The following CAPN7 variants were observed in gnomAD, a reference collection of about 807,000 sequenced individuals.
CAPN7 encodes the protein calpain-7.
In CAPN7, 72 loss-of-function variants were observed where a neutral mutation model predicts 115.2. The observed-to-expected ratio is 0.63, with a 90% confidence interval of 0.52 to 0.76. The LOEUF (loss-of-function observed/expected upper bound fraction) is 0.76, where lower values mean the gene tolerates loss of function less well. Ranked by LOEUF, CAPN7 falls within the 30% of genes least tolerant of loss-of-function variation. The pLI is 0.00. For missense variants in CAPN7, 905 were observed against 971.5 expected (o/e 0.93, Z 0.91); for synonymous variants, 344 against 322.3 (o/e 1.07, Z -0.72).
intron 2 of CAPN7, among the ~76,000 whole-genome samples, chr3:15,215,876 A>G (rs1216590869): frequency 6.6e-6 from 1 of 152,186 alleles, no homozygotes; most frequent in Non-Finnish European, 1.5e-5. Context: ...ACTTGAGGCC[A>G]GCAGTTTGAG....
intron 7 of CAPN7, among the ~76,000 whole-genome samples, chr3:15,228,456 A>T (rs2124945500): frequency 6.6e-6 from 1 of 152,344 alleles, no homozygotes; most frequent in South Asian, 2.1e-4. Flanking sequence ...AAAGACATGG[A>T]ATCAACCTAA....
intron 1 of CAPN7, among the ~76,000 whole-genome samples, chr3:15,209,158 G>A (rs1298003727): frequency 6.6e-6 from 1 of 151,946 alleles, no homozygotes; most frequent in Non-Finnish European, 1.5e-5. Context: ...TTACAGGCAT[G>A]CACCACCACC....
In CAPN7 at chr3:15,241,520, C is replaced by G; in HGVS notation, c.1720C>G (p.Leu574Val). The G allele has an allele frequency of 6.2e-7, 1 of 1,614,118 alleles. No homozygotes were observed. ...YSLANNPQYKLEVQCPQGGAA... is the reference protein window; with the variant it reads ...YSLANNPQYKVEVQCPQGGAA... ...CCTGGCCAACAACCCCCAGTACAAA[C>G]TGGAGGTGCAGTGTCCACAGGGGGG... The change falls in exon 15 of 21, where the codon CTG becomes GTG. Residue 574 changes from leucine to valine, a missense_variant. Physicochemically the swap from Leu to Val is conservative, Grantham distance 32. Transcript: ENST00000253693.
At position 15,230,540 on chromosome 3, in the gene CAPN7, A is replaced by G. The variant is rs1378468970; in HGVS notation, c.1032+5A>G. Reference sequence around the variant, plus strand: ...CTCAATGGTGTCCCAAGAAAGGTGAATAATGTCTCTCCCCACTCCCATCCC... The same window carrying G: ...CTCAATGGTGTCCCAAGAAAGGTGAGTAATGTCTCTCCCCACTCCCATCCC... On this transcript the variant is annotated splice_donor_5th_base_variant and intron_variant, in intron 9 of 20. Coordinates refer to ENST00000253693, the MANE Select transcript of CAPN7 (RefSeq NM_014296.3). The G allele has an allele frequency of 3.2e-6, 5 of 1,550,986 alleles. No homozygotes were observed. The Admixed American group carries it at 6.7e-5, about 21-fold the overall frequency.
Position 15,252,094 on chromosome 3 carries a change from T to A in CAPN7, c.*834T>A, listed in dbSNP as rs1696030241. On this transcript the variant is annotated 3_prime_UTR_variant, in exon 21 of 21. Coordinates refer to ENST00000253693, the MANE Select transcript of CAPN7 (RefSeq NM_014296.3). ...AGAATTTAATATATGGTGATTGGGA[T>A]ATGTAGCATTCAAAAAAAGTGAATT... 1 of 152,638 alleles carries A rather than the reference T, an allele frequency of 6.6e-6. No homozygotes were observed. Among genetic ancestry groups the A allele is most frequent in the African/African-American group, 2.4e-5 (1 of 41,454 alleles). The allele number at this position is 152,638 out of a possible 1,614,324, so 9.5% of individuals were successfully genotyped here.
rs1316856875 is a variant in CAPN7 at position 15,206,275 on chromosome 3, G to C, written c.-221G>C. 7.1e-6 allele frequency: 3 copies of C among 424,112 alleles called. No homozygotes were observed. The highest frequency in any genetic ancestry group is 9.5e-5 in the Admixed American group (2 of 21,058). 26.3% of individuals were successfully genotyped at this position (424,112 alleles called of 1,614,324 possible). A position where few individuals can be genotyped will look rare whatever the true frequency, so the allele number is the denominator to read the frequency against. On this transcript the variant is annotated 5_prime_UTR_variant, in exon 1 of 21. Coordinates refer to ENST00000253693, the MANE Select transcript of CAPN7 (RefSeq NM_014296.3). ...GCCGCTGGGGCCGCGAAGTGGGGCG[G>C]CCGGGTGGGCTACAAGCCGGGTCTG...
At chr3:15,217,823 G>C (rs898128232) in intron 3 of CAPN7, among the ~76,000 whole-genome samples, 4 of 152,110 alleles carry the variant, frequency 2.6e-5, no homozygotes, top group African/African-American at 7.2e-5. Flanking sequence ...TAACATTTCT[G>C]TTCTTACAAC....
rs994646384 is a variant in CAPN7, at chr3:15,245,671, G to A, written c.2010G>A (p.Arg670=). Reference sequence around the variant, plus strand: ...AGAACACAATCCATTACACGGTTCGGGTAAGTAAAACCAACACACAATGAC... The same window carrying A: ...AGAACACAATCCATTACACGGTTCGAGTAAGTAAAACCAACACACAATGAC... ...EKQNTIHYTV[R]VYSACSFTFS... is the part of the protein sequence containing the mutation. Residue 670 remains arginine, a splice_region_variant and synonymous_variant, in exon 17 of 21, where the codon CGG becomes CGA. Coordinates refer to ENST00000253693, the MANE Select transcript of CAPN7 (RefSeq NM_014296.3). 3 of 1,611,676 alleles carry A rather than the reference G, an allele frequency of 1.9e-6. No individual in the cohort carries two copies. The highest frequency in any genetic ancestry group is 2.5e-6 in the Non-Finnish European group (3 of 1,179,130).
At chr3:15,248,026 G>A (rs1353658959) in intron 19 of CAPN7, among the ~76,000 whole-genome samples, 1 of 149,656 alleles carries the variant, frequency 6.7e-6, no homozygotes, top group Non-Finnish European at 1.5e-5. Context: ...GGACTGTTGT[G>A]GGGTGAGGGG....
At chr3:15,213,122 CA>C (rs2045048070) in intron 2 of CAPN7, among the ~76,000 whole-genome samples, 1 of 152,140 alleles carries the variant, frequency 6.6e-6, no homozygotes, top group Admixed American at 6.5e-5. Context: ...TTCATGTATT[CA>C]AAATATCATA....
intron 3 of CAPN7, among the ~76,000 whole-genome samples, chr3:15,218,032 T>C (rs1245930072): frequency 6.6e-6 from 1 of 152,208 alleles, no homozygotes; most frequent in African/African-American, 2.4e-5. Context: ...AAGGGACATC[T>C]AGTGCATAAG....
At position 15,206,368 on chromosome 3, in the gene CAPN7, C is replaced by T. The variant is rs934289937; in HGVS notation, c.-128C>T. ...GGGAAGGCGAGCTCTCCTCCACCGT[C>T]CAAAGTAAACTTTGCCGCTCCTTCC... On this transcript the variant is annotated 5_prime_UTR_variant, in exon 1 of 21. Transcript: ENST00000253693. The T allele has an allele frequency of 6.1e-5, 41 of 668,550 alleles. No homozygotes were observed. The South Asian group carries it at 7.0e-4, about 11-fold the overall frequency. The allele number at this position is 668,550 out of a possible 1,614,324, so 41.4% of individuals were successfully genotyped here. A position where few individuals can be genotyped will look rare whatever the true frequency, so the allele number is the denominator to read the frequency against.
At chr3:15,217,680 C>T (rs1693718146) in intron 3 of CAPN7, 98 bp downstream of exon 3, 1 of 964,454 alleles carries the variant, frequency 1.0e-6, no homozygotes, top group African/African-American at 1.7e-5. Context: ...AGAATTTTAA[C>T]AGAATAAAAA....
intron 10 of CAPN7, 110 bp from the exon 11 acceptor site, chr3:15,233,757 T>C (rs1242989414): frequency 7.4e-6 from 5 of 675,756 alleles, no homozygotes; most frequent in South Asian, 1.7e-5. Context: ...TACCTTCTGA[T>C]TTATTTCTAC....
chr3:15,232,069 G>A (rs1398438408), intron 9 of CAPN7: 1 of 335,848 alleles, frequency 3.0e-6, no homozygotes, highest in Non-Finnish European at 5.7e-6. Flanking sequence ...GACCAGAAGT[G>A]TTTTGGATTT....
At chr3:15,241,395 A>G (rs921150898) in intron 14 of CAPN7, 58 bp from the exon 15 acceptor site, 43 of 1,540,248 alleles carry the variant, frequency 2.8e-5, no homozygotes, top group South Asian at 5.7e-5. Flanking sequence ...AAATAGTGTT[A>G]TATTTTAGCT....
chr3:15,243,330 C>T (rs1037532241), intron 16 of CAPN7, among the ~76,000 whole-genome samples: 1 of 152,158 alleles, frequency 6.6e-6, no homozygotes, highest in Non-Finnish European at 1.5e-5. Context: ...TTTGGCTTGT[C>T]ATAATCAGGA....
intron 8 of CAPN7, among the ~76,000 whole-genome samples, chr3:15,230,038 G>T (rs1181553963): frequency 6.6e-6 from 1 of 152,078 alleles, no homozygotes; most frequent in African/African-American, 2.4e-5. Flanking sequence ...GTATGTTACT[G>T]TATAATTTCA....
In CAPN7 at chr3:15,212,037, G is replaced by T. The variant is rs188046770; in HGVS notation, c.103-67G>T. 2.0e-4 allele frequency: 168 copies of T among 828,310 alleles called. No individual in the cohort carries two copies. In the African/African-American group the frequency reaches 2.7e-3, roughly 13 times the overall value. The allele number at this position is 828,310 out of a possible 1,614,324, so 51.3% of individuals were successfully genotyped here. A position where few individuals can be genotyped will look rare whatever the true frequency, so the allele number is the denominator to read the frequency against. Reference sequence around the variant, plus strand: ...ATTCATGGAAACCAATATTGAATGAGAATGTGATAAAGAAAATTCAAGTTG... The same window carrying T: ...ATTCATGGAAACCAATATTGAATGATAATGTGATAAAGAAAATTCAAGTTG... On this transcript the variant is annotated intron_variant, in intron 1 of 20. Transcript: ENST00000253693.
Sources: gnomAD v4.1 joint callset for allele counts (sites outside exome capture counted in the v4.1 genomes callset) on GRCh38, gnomAD v4.1.1 for gene constraint, MANE v1.5 for transcripts, NCBI Gene and HGNC (gene_info 2026-07-23, HGNC 2026-07-21) for gene names.